The following RASAL2 variants were observed in gnomAD, a reference collection of about 807,000 sequenced individuals.
RASAL2 encodes the protein RAS protein activator like 2.
A neutral mutation model predicts 128.9 loss-of-function variants in RASAL2; 58 were observed. The ratio of observed to expected loss-of-function variants is 0.45; its 90% CI spans 0.36 to 0.56. The LOEUF (loss-of-function observed/expected upper bound fraction) is 0.56, where lower values mean the gene tolerates loss of function less well. Ranked by LOEUF, RASAL2 falls within the 20% of genes least tolerant of loss-of-function variation. The pLI is 0.00. For missense variants in RASAL2, 1,360 were observed against 1,601.6 expected (o/e 0.85, Z 2.57); for synonymous variants, 561 against 580.8 (o/e 0.97, Z 0.49).
At chr1:178,170,500 A>G (rs1661669894) in intron 1 of RASAL2, among the ~76,000 whole-genome samples, 1 of 151,754 alleles carries the variant, frequency 6.6e-6, no homozygotes, top group Non-Finnish European at 1.5e-5. Flanking sequence ...GGGGGATTAA[A>G]CTATTTAATA....
chr1:178,244,306 G>A (rs1006377608), intron 1 of RASAL2, among the ~76,000 whole-genome samples: 9 of 151,954 alleles, frequency 5.9e-5, no homozygotes, highest in South Asian at 2.1e-4. Flanking sequence ...GCAGTGGTGC[G>A]ATCTTGGCTC....
intron 1 of RASAL2, among the ~76,000 whole-genome samples, chr1:178,147,836 A>C (rs1461793431): frequency 6.6e-6 from 1 of 151,866 alleles, no homozygotes; most frequent in African/African-American, 2.4e-5. Flanking sequence ...TTGGGAGGCC[A>C]AGGTGGGTGG....
At chr1:178,401,075 A>C (rs1043717143) in intron 4 of RASAL2, among the ~76,000 whole-genome samples, 3 of 151,788 alleles carry the variant, frequency 2.0e-5, no homozygotes, top group Non-Finnish European at 4.4e-5. Flanking sequence ...TTTAGAAACC[A>C]CTCTTCTAGA....
At chr1:178,416,220 T>C (rs140663682) in intron 4 of RASAL2, among the ~76,000 whole-genome samples, 1 of 152,236 alleles carries the variant, frequency 6.6e-6, no homozygotes, top group African/African-American at 2.4e-5. Flanking sequence ...GCATATCAGT[T>C]ATACTTATTT....
At chr1:178,441,715 G>A (rs1007291407) in intron 7 of RASAL2, 68 bp downstream of exon 7, 8 of 1,242,252 alleles carry the variant, frequency 6.4e-6, no homozygotes, top group Middle Eastern at 1.9e-4. Context: ...GAAGGTAAGT[G>A]TGGTAGTAAT....
chr1:178,232,784 A>G (rs1217804034), intron 1 of RASAL2, among the ~76,000 whole-genome samples: 1 of 152,176 alleles, frequency 6.6e-6, no homozygotes, highest in Non-Finnish European at 1.5e-5. Flanking sequence ...TCACTCCAAG[A>G]CTAGGCAAGG....
intron 2 of RASAL2, among the ~76,000 whole-genome samples, chr1:178,296,051 ATATATATGTGTGTGTATATGTATGTG>A (rs1557883498): frequency 3.3e-5 from 5 of 151,926 alleles, no homozygotes; most frequent in African/African-American, 9.7e-5. Context: ...GTGTGTGTGT[ATATATATGTGTGTGTATATGTATGTG>A]TATATATGTG....
chr1:178,173,668 G>A (rs1267095552), intron 1 of RASAL2, among the ~76,000 whole-genome samples: 2 of 152,022 alleles, frequency 1.3e-5, no homozygotes, highest in African/African-American at 2.4e-5. Flanking sequence ...CCCTGAGATT[G>A]ACTAAGATTC....
intron 1 of RASAL2, among the ~76,000 whole-genome samples, chr1:178,248,327 C>T (rs539668942): frequency 1.6e-4 from 25 of 152,038 alleles, no homozygotes; most frequent in African/African-American, 5.8e-4. Flanking sequence ...TATGTAATGC[C>T]CTTCTGTGTC....
chr1:178,119,169 A>G (rs902839007), intron 1 of RASAL2, among the ~76,000 whole-genome samples: 2 of 152,188 alleles, frequency 1.3e-5, no homozygotes, highest in Non-Finnish European at 2.9e-5. Flanking sequence ...TGCCTGGCCA[A>G]GTGAGCAAGT....
intron 3 of RASAL2, among the ~76,000 whole-genome samples, chr1:178,328,587 T>C (rs1167834476): frequency 6.6e-6 from 1 of 152,208 alleles, no homozygotes. Context: ...TAGTTATAAA[T>C]GTAAAGAAAC....
chr1:178,135,797 C>A (rs316267), intron 1 of RASAL2, among the ~76,000 whole-genome samples: 1 of 151,988 alleles, frequency 6.6e-6, no homozygotes, highest in African/African-American at 2.4e-5. Flanking sequence ...TCCCATCTTA[C>A]ATGGATGGCA....
intron 1 of RASAL2, among the ~76,000 whole-genome samples, chr1:178,168,276 A>C (rs1481186630): frequency 8.4e-6 from 1 of 118,848 alleles, no homozygotes; most frequent in African/African-American, 3.7e-5. Context: ...TGAGAAGCCA[A>C]AAAAAAAAAA....
intron 1 of RASAL2, among the ~76,000 whole-genome samples, chr1:178,191,486 A>C (rs1430851757): frequency 1.3e-5 from 2 of 152,222 alleles, no homozygotes; most frequent in Non-Finnish European, 2.9e-5. Flanking sequence ...TAGCCTGGTA[A>C]CAGTTTGTGG....
intron 1 of RASAL2, among the ~76,000 whole-genome samples, chr1:178,241,643 A>G (rs1157490100): frequency 6.6e-6 from 1 of 152,166 alleles, no homozygotes; most frequent in Non-Finnish European, 1.5e-5. Context: ...ATAATACTTC[A>G]CCTTCCTCTC....
At chr1:178,298,297 T>C (rs539054771) in intron 2 of RASAL2, among the ~76,000 whole-genome samples, 13 of 152,350 alleles carry the variant, frequency 8.5e-5, no homozygotes, top group African/African-American at 2.6e-4. Flanking sequence ...TTCATGTCTT[T>C]ATTGATGCTA....
At chr1:178,262,714 A>C (rs79273685) in intron 1 of RASAL2, among the ~76,000 whole-genome samples, 11,897 of 152,044 alleles carry the variant, frequency 0.078, 629 homozygotes, top group African/African-American at 0.14. Context: ...TAGAGCTGGG[A>C]GTATTTGATA....
At chr1:178,238,322 G>A (rs753890418) in intron 1 of RASAL2, among the ~76,000 whole-genome samples, 1 of 152,022 alleles carries the variant, frequency 6.6e-6, no homozygotes, top group Non-Finnish European at 1.5e-5. Flanking sequence ...TCATTTGGTG[G>A]ACATTTGGGT....
chr1:178,418,804 A>G (rs955477391), intron 4 of RASAL2, among the ~76,000 whole-genome samples: 13 of 152,156 alleles, frequency 8.5e-5, no homozygotes, highest in African/African-American at 3.1e-4. Flanking sequence ...TTGTTTTGTC[A>G]GTGAAATGAG....
Sources: gnomAD v4.1 joint callset for allele counts (sites outside exome capture counted in the v4.1 genomes callset) on GRCh38, gnomAD v4.1.1 for gene constraint, MANE v1.5 for transcripts, NCBI Gene and HGNC (gene_info 2026-07-23, HGNC 2026-07-21) for gene names.